C12orf60: variants seen among roughly 807,000 people sequenced by gnomAD.
C12orf60 encodes uncharacterized protein C12orf60.
For synonymous variants in C12orf60, 102 were observed against 94.6 expected (o/e 1.08, Z -0.45); for missense variants, 284 against 283.2 (o/e 1.00, Z -0.02).
chr12:14,822,721 A>G (rs758346913), intron 1 of C12orf60, among the ~76,000 whole-genome samples, 191 bp from the exon 2 acceptor site: 10 of 152,170 alleles, frequency 6.6e-5, no homozygotes, highest in Non-Finnish European at 1.2e-4. Context: ...ATACAACCCT[A>G]TTCTACCCTG....
At chr12:14,818,647 G>A (rs1402454106) in intron 1 of C12orf60, among the ~76,000 whole-genome samples, 1 of 152,158 alleles carries the variant, frequency 6.6e-6, no homozygotes, top group African/African-American at 2.4e-5. Context: ...GGACATGGTG[G>A]TGTGTGCCTG....
chr12:14,819,149 C>CT (rs1950268929), intron 1 of C12orf60, among the ~76,000 whole-genome samples: 1 of 152,014 alleles, frequency 6.6e-6, no homozygotes, highest in African/African-American at 2.4e-5. Flanking sequence ...TATATAGAGT[C>CT]TTTCAGTTCA....
intron 1 of C12orf60, among the ~76,000 whole-genome samples, chr12:14,816,451 A>T (rs971834812): frequency 1.3e-5 from 2 of 151,698 alleles, no homozygotes; most frequent in Non-Finnish European, 2.9e-5. Flanking sequence ...GCTGCACTTA[A>T]AAAAAAATCA....
At chr12:14,809,684 A>G (rs1296013246) in intron 1 of C12orf60, among the ~76,000 whole-genome samples, 1 of 152,192 alleles carries the variant, frequency 6.6e-6, no homozygotes, top group Non-Finnish European at 1.5e-5. Flanking sequence ...AAATATCGGT[A>G]TGGAGTGGGA....
intron 1 of C12orf60, among the ~76,000 whole-genome samples, chr12:14,807,600 C>G (rs1950073102): frequency 6.6e-6 from 1 of 152,090 alleles, no homozygotes; most frequent in Non-Finnish European, 1.5e-5. Flanking sequence ...AAAGGATATC[C>G]AAAGGCAACA....
intron 1 of C12orf60, among the ~76,000 whole-genome samples, chr12:14,822,652 A>G (rs1950324449): frequency 6.6e-6 from 1 of 152,180 alleles, no homozygotes; most frequent in Non-Finnish European, 1.5e-5. Flanking sequence ...CAGTATATCA[A>G]TCTATCCATA....
intron 1 of C12orf60, among the ~76,000 whole-genome samples, chr12:14,819,590 C>T (rs960035706): frequency 2.0e-5 from 3 of 152,076 alleles, no homozygotes; most frequent in Non-Finnish European, 4.4e-5. Context: ...CTGACTAATT[C>T]CCAATCCTGG....
chr12:14,810,388 G>A (rs1287165370), intron 1 of C12orf60, among the ~76,000 whole-genome samples: 2 of 152,184 alleles, frequency 1.3e-5, no homozygotes, highest in Non-Finnish European at 2.9e-5. Context: ...AGAGCTTAGC[G>A]AAGAAGGCAA....
chr12:14,814,171 T>C lies in C12orf60; in HGVS notation c.-24-8741T>C, dbSNP rs146238881. On this transcript the variant is annotated intron_variant, in intron 1 of 1. Coordinates refer to ENST00000330828, the MANE Select transcript of C12orf60 (RefSeq NM_175874.4). ...CGTGGTCCTAGCAGTTGTTTAGGAGTATTGTTAAAGTGCTTTTTCATCTGG... is the reference window on the plus strand; with the variant it reads ...CGTGGTCCTAGCAGTTGTTTAGGAGCATTGTTAAAGTGCTTTTTCATCTGG... 5.3e-5 allele frequency: 8 copies of C among 152,174 alleles called. 1 individual carries two copies. In the East Asian group the frequency reaches 1.5e-3, roughly 29 times the overall value. 9.4% of individuals were successfully genotyped at this position (152,174 alleles called of 1,614,324 possible).
intron 1 of C12orf60, among the ~76,000 whole-genome samples, chr12:14,809,596 T>C (rs1950105700): frequency 6.6e-6 from 1 of 152,044 alleles, no homozygotes; most frequent in Non-Finnish European, 1.5e-5. Context: ...GACTTTGGAG[T>C]TAAAAATTAA....
chr12:14,822,568 A>G (rs1950323327), intron 1 of C12orf60, among the ~76,000 whole-genome samples: 1 of 152,138 alleles, frequency 6.6e-6, no homozygotes, highest in Non-Finnish European at 1.5e-5. Context: ...CCTCTATGTA[A>G]TTTGTAATGC....
At chr12:14,816,598 A>G (rs1592238990) in intron 1 of C12orf60, among the ~76,000 whole-genome samples, 2 of 152,252 alleles carry the variant, frequency 1.3e-5, no homozygotes, top group East Asian at 3.9e-4. Flanking sequence ...AGTATTTATA[A>G]TCTAGCTTCT....
intron 1 of C12orf60, chr12:14,806,443 A>T: frequency 6.2e-7 from 1 of 1,614,120 alleles, no homozygotes; most frequent in Non-Finnish European, 8.5e-7. Flanking sequence ...ACCTTCTGCA[A>T]TTCCTTTTGG....
At position 14,820,679 on chromosome 12, in the gene C12orf60, A is replaced by G. The variant is rs796826935; in HGVS notation, c.-24-2233A>G. Among the ~76,000 whole-genome samples the G allele has an allele frequency of 2.0e-4, 30 of 152,102 alleles. 1 individual carries two copies. The highest frequency in any genetic ancestry group is 7.2e-4 in the African/African-American group (30 of 41,538). ...TGACTTCTATTTTAATTCTATTAAG[A>G]GAAGATTTATTGTCTTTTACATATA... is the stretch of plus-strand genomic sequence containing the variant. On this transcript the variant is annotated intron_variant, in intron 1 of 1. Coordinates refer to ENST00000330828, the MANE Select transcript of C12orf60 (RefSeq NM_175874.4).
chr12:14,823,417 C>A lies in C12orf60; in HGVS notation c.482C>A (p.Thr161Asn), dbSNP rs779892818. The change falls in exon 2 of 2, where the codon ACC becomes AAC. Residue 161 changes from threonine (T) to asparagine (N), a missense_variant. Thr to Asn is a moderately conservative substitution (Grantham distance 65). Coordinates refer to ENST00000330828, the MANE Select transcript of C12orf60 (RefSeq NM_175874.4). ...TTAAGTGACTTCTATACAGAAGACA[C>A]CAAAGAGCAATCAGATGTCACCACA... ...LQLSDFYTED[T>N]KEQSDVTTSE... The A allele has an allele frequency of 1.9e-6, 3 of 1,613,838 alleles. No homozygotes were observed. The Admixed American group carries it at 5.0e-5, about 27-fold the overall frequency.
intron 1 of C12orf60, among the ~76,000 whole-genome samples, chr12:14,815,156 C>T (rs1950196529): frequency 6.6e-6 from 1 of 152,066 alleles, no homozygotes; most frequent in Non-Finnish European, 1.5e-5. Flanking sequence ...AATCAAAATG[C>T]CAGACAGGCA....
rs1950337644 is a variant in C12orf60, at chr12:14,823,475, C to G, written c.540C>G (p.Ser180=). 3 of 1,606,586 alleles carry G rather than the reference C, an allele frequency of 1.9e-6. No homozygotes were observed. The highest frequency in any genetic ancestry group is 2.2e-5 in the South Asian group (2 of 90,424). Residue 180 remains serine, a synonymous_variant, in exon 2 of 2, where the codon TCC becomes TCG. Coordinates refer to ENST00000330828, the MANE Select transcript of C12orf60 (RefSeq NM_175874.4). ...GAACCAGAAGTCCTCCAGGTTCTTC[C>G]AAAACCACTATGATAGACACCTTGA... ...SERTRSPPGS[S]KTTMIDTLKK... is the part of the protein sequence containing the mutation.
Position 14,823,738 on chromosome 12 carries a change from G to T in C12orf60, c.*65G>T, listed in dbSNP as rs1950343102. On this transcript the variant is annotated 3_prime_UTR_variant, in exon 2 of 2. Coordinates refer to ENST00000330828, the MANE Select transcript of C12orf60 (RefSeq NM_175874.4). ...TAAAATCTTATGGTTTTTCATAGTAGTTTCTAAGATCTTTTGGTGCCAAAC... is the reference window on the plus strand; with the variant it reads ...TAAAATCTTATGGTTTTTCATAGTATTTTCTAAGATCTTTTGGTGCCAAAC... The T allele has an allele frequency of 6.9e-7, 1 of 1,439,278 alleles. No individual in the cohort carries two copies. Among genetic ancestry groups the T allele is most frequent in the African/African-American group, 1.4e-5 (1 of 70,086 alleles). 89.2% of individuals were successfully genotyped at this position (1,439,278 alleles called of 1,614,324 possible).
chr12:14,813,709 C>T (rs4764125), intron 1 of C12orf60, among the ~76,000 whole-genome samples: 8,840 of 152,162 alleles, frequency 0.058, 359 homozygotes, highest in Non-Finnish European at 0.088. Context: ...TATACATTAA[C>T]CAGTATTAGA....
Sources: allele counts gnomAD v4.1 joint callset (sites outside exome capture counted in the v4.1 genomes callset), GRCh38; gene constraint gnomAD v4.1.1; transcripts MANE v1.5; gene names NCBI Gene and HGNC (gene_info 2026-07-23, HGNC 2026-07-21).